FARP2: variants seen among roughly 807,000 people sequenced by gnomAD.
The protein encoded by FARP2 is FERM, ARH/RhoGEF and pleckstrin domain protein 2.
A neutral mutation model predicts 130.5 loss-of-function variants in FARP2; 111 were observed. That is an observed-to-expected ratio of 0.85 (90% CI 0.73 to 1.00). The LOEUF is 1.00. Among genes scored for constraint, FARP2 ranks in the 50% least tolerant of loss-of-function variants. The pLI is 0.00. For synonymous variants in FARP2, 504 were observed against 516.9 expected, an observed-to-expected ratio of 0.98 and a Z score of 0.34; for missense variants, 1,385 against 1,346.3, an observed-to-expected ratio of 1.03 and a Z score of -0.45.
At chr2:241,438,694 A>G (rs2063307412) in intron 12 of FARP2, among the ~76,000 whole-genome samples, 1 of 143,488 alleles carries the variant, frequency 7.0e-6, no homozygotes, top group Non-Finnish European at 1.5e-5. Flanking sequence ...CAGTGGCGCG[A>G]TCTTGGCTCA....
rs79166778 is a variant in FARP2 at position 241,386,560 on chromosome 2, G to C, written c.183+13270G>C. ...AAGATTGGTTAGCGATTGTCAAAGGGAAAGGGGAGGTTTGGAAAGCCCCCT... is the reference window on the plus strand; with the variant it reads ...AAGATTGGTTAGCGATTGTCAAAGGCAAAGGGGAGGTTTGGAAAGCCCCCT... On this transcript the variant is annotated intron_variant, in intron 2 of 26. Transcript: ENST00000264042. 4.3e-4 allele frequency among the ~76,000 whole-genome samples: 65 copies of C among 152,346 alleles called. 3 individuals carry two copies. The East Asian group carries it at 0.012, about 28-fold the overall frequency.
chr2:241,382,931 C>T (rs900575431), intron 2 of FARP2, among the ~76,000 whole-genome samples: 1 of 151,774 alleles, frequency 6.6e-6, no homozygotes, highest in Non-Finnish European at 1.5e-5. Context: ...TTAAAAATAA[C>T]TTAAGAGTTG....
At chr2:241,368,662 G>A (rs2061365414) in intron 1 of FARP2, among the ~76,000 whole-genome samples, 1 of 151,998 alleles carries the variant, frequency 6.6e-6, no homozygotes, top group South Asian at 2.1e-4. Context: ...TTTAGAGATA[G>A]AGTCTCACTA....
At chr2:241,472,510 G>C (rs983690946) in intron 18 of FARP2, among the ~76,000 whole-genome samples, 2 of 148,522 alleles carry the variant, frequency 1.3e-5, no homozygotes, top group African/African-American at 5.0e-5. Context: ...CTGATCTGAA[G>C]GGACCCTGTT....
intron 23 of FARP2, 119 bp downstream of exon 23, chr2:241,491,298 A>G (rs2064897620): frequency 2.3e-6 from 2 of 888,656 alleles, no homozygotes; most frequent in African/African-American, 1.6e-5. Context: ...CCCTTCCACA[A>G]GGAATGTTCC....
rs567586612 is a variant in FARP2 at position 241,431,753 on chromosome 2, C to G, written c.846C>G (p.Ile282Met). The G allele has an allele frequency of 3.4e-4, 528 of 1,539,098 alleles. 3 individuals are homozygous for G. In the South Asian group the frequency reaches 5.7e-3, roughly 17 times the overall value. Residue 282 changes from isoleucine to methionine, a missense_variant, in exon 9 of 27, where the codon ATC becomes ATG. Transcript: ENST00000264042. ...KLSFKRKRFL[I>M]KLHPEVHGPY... The stretch of plus-strand genomic sequence containing the variant: ...GCTTCAAGAGGAAAAGATTTCTTAT[C>G]AAACTTCATCCAGAGGTTCATGTAA...
At chr2:241,434,100 CT>C in intron 9 of FARP2, 57 bp from the exon 10 acceptor site, 2 of 1,328,604 alleles carry the variant, frequency 1.5e-6, no homozygotes, top group South Asian at 2.8e-5. Flanking sequence ...CCTAAATGTA[CT>C]TTCTCTTGTC....
At chr2:241,363,212 TG>T (rs2150282367) in intron 1 of FARP2, among the ~76,000 whole-genome samples, 1 of 152,224 alleles carries the variant, frequency 6.6e-6, no homozygotes, top group Non-Finnish European at 1.5e-5. Flanking sequence ...GTTTTGTAGT[TG>T]GGCCCCAAGA....
At chr2:241,447,264 C>T (rs1433095490) in intron 13 of FARP2, 4 of 152,202 alleles carry the variant, frequency 2.6e-5, no homozygotes, top group African/African-American at 9.7e-5. Flanking sequence ...GTGTCACTGA[C>T]ATCTTCATAG....
At chr2:241,493,968 C>A (rs775692453) in intron 26 of FARP2, 40 bp from the exon 27 acceptor site, 2 of 1,237,646 alleles carry the variant, frequency 1.6e-6, no homozygotes, top group East Asian at 5.6e-5. Flanking sequence ...TGTCTGAGCA[C>A]AAGATGGCTC....
At chr2:241,463,595 GC>G (rs2064085975) in intron 16 of FARP2, 127 bp downstream of exon 16, 4 of 1,084,568 alleles carry the variant, frequency 3.7e-6, no homozygotes, top group Admixed American at 2.3e-5. Context: ...ATTTTTAGGA[GC>G]CTGTGGGGAG....
chr2:241,465,636 T>C, intron 17 of FARP2: 1 of 1,550,778 alleles, frequency 6.4e-7, no homozygotes, highest in Non-Finnish European at 8.7e-7. Context: ...GTCTCACTCT[T>C]GCTTAACGTG....
At chr2:241,431,959 T>C (rs916222533) in intron 9 of FARP2, among the ~76,000 whole-genome samples, 185 bp downstream of exon 9, 4 of 152,062 alleles carry the variant, frequency 2.6e-5, no homozygotes, top group African/African-American at 9.7e-5. Flanking sequence ...GTAGCTGGGA[T>C]TACAGGCATG....
At chr2:241,394,896 T>C (rs1053998496) in intron 2 of FARP2, among the ~76,000 whole-genome samples, 1 of 152,190 alleles carries the variant, frequency 6.6e-6, no homozygotes, top group Non-Finnish European at 1.5e-5. Flanking sequence ...CCCTACTCCC[T>C]ACTCAGGAGG....
chr2:241,371,494 C>T (rs377350339), intron 1 of FARP2, among the ~76,000 whole-genome samples: 45 of 152,008 alleles, frequency 3.0e-4, no homozygotes, highest in African/African-American at 9.2e-4. Flanking sequence ...CAAAAATAGC[C>T]GGGGGTTCTT....
intron 2 of FARP2, among the ~76,000 whole-genome samples, chr2:241,395,046 T>G (rs1033695158): frequency 1.3e-5 from 2 of 152,186 alleles, no homozygotes; most frequent in African/African-American, 4.8e-5. Context: ...GCTACCTTAT[T>G]ACACTCCCAT....
In FARP2 at chr2:241,434,192, G is replaced by A. The variant is rs768773220; in HGVS notation, c.902G>A (p.Gly301Asp). Residue 301 changes from glycine (G) to aspartate (D), a missense_variant, in exon 10 of 27, where the codon GGT becomes GAT. Physicochemically the swap from Gly to Asp is moderately conservative, Grantham distance 94. Coordinates refer to ENST00000264042, the MANE Select transcript of FARP2 (RefSeq NM_014808.4). ...CAGGACACATTAGAATTTTTGTTGGGTAGTAGAGATGAATGTAAGAACTTC... is the reference window on the plus strand; with the variant it reads ...CAGGACACATTAGAATTTTTGTTGGATAGTAGAGATGAATGTAAGAACTTC... ...PYQDTLEFLL[G>D]SRDECKNFWK... The A allele has an allele frequency of 3.0e-5, 48 of 1,613,362 alleles. No individual in the cohort carries two copies. Among genetic ancestry groups the A allele is most frequent in the Non-Finnish European group, 3.8e-5 (45 of 1,179,632 alleles).
At chr2:241,375,189 G>T (rs1575468965) in intron 2 of FARP2, among the ~76,000 whole-genome samples, 1 of 152,070 alleles carries the variant, frequency 6.6e-6, no homozygotes, top group East Asian at 1.9e-4. Context: ...CTGACCTCGT[G>T]ATCCGCCCGC....
At chr2:241,377,735 T>C (rs2061571909) in intron 2 of FARP2, among the ~76,000 whole-genome samples, 1 of 152,246 alleles carries the variant, frequency 6.6e-6, no homozygotes, top group Non-Finnish European at 1.5e-5. Context: ...ATTGACTTTT[T>C]TTTTCTATTA....
Sources: gnomAD v4.1 joint callset for allele counts (sites outside exome capture counted in the v4.1 genomes callset) on GRCh38, gnomAD v4.1.1 for gene constraint, MANE v1.5 for transcripts, NCBI Gene and HGNC (gene_info 2026-07-23, HGNC 2026-07-21) for gene names.